CCNYL1: variants seen among roughly 807,000 people sequenced by gnomAD.
CCNYL1 encodes the protein cyclin Y like 1.
CCNYL1 carries 16 observed loss-of-function variants against 44.2 expected under a neutral mutation model. That is an observed-to-expected ratio of 0.36 (90% CI 0.25 to 0.55). The LOEUF (loss-of-function observed/expected upper bound fraction) is 0.55. Ranked by LOEUF, CCNYL1 falls within the 20% of genes least tolerant of loss-of-function variation. The pLI is 0.85. For synonymous variants in CCNYL1, 159 were observed against 163.2 expected (o/e 0.97, Z 0.20); for missense variants, 348 against 451.8 (o/e 0.77, Z 2.08).
In CCNYL1 at chr2:207,730,493, C is replaced by A. The variant is rs971529142; in HGVS notation, c.331-3454C>A. ...TCTGCTGTGGCCGGGTGCGGTGGCT[C>A]ACGCCTGTAATCTCAGCACTTTGGG... On this transcript the variant is annotated intron_variant, in intron 3 of 9. Coordinates refer to ENST00000295414, the MANE Select transcript of CCNYL1 (RefSeq NM_001330218.2). Among the ~76,000 whole-genome samples, 27 of 152,314 alleles carry A rather than the reference C, an allele frequency of 1.8e-4. 1 individual carries two copies. Among genetic ancestry groups the A allele is most frequent in the Admixed American group, 1.6e-3 (25 of 15,298 alleles).
chr2:207,737,299 A>G (rs1016160599), intron 4 of CCNYL1, 112 bp from the exon 5 acceptor site: 2 of 777,396 alleles, frequency 2.6e-6, no homozygotes, highest in African/African-American at 3.5e-5. Context: ...TCTGAACTAG[A>G]GGATTTCAGG....
At chr2:207,740,551 A>G (rs2091800882) in intron 5 of CCNYL1, 104 bp from the exon 6 acceptor site, 2 of 755,994 alleles carry the variant, frequency 2.6e-6, no homozygotes, top group African/African-American at 1.7e-5. Context: ...TGAAGCAAAC[A>G]CCAAAGCAAA....
Position 207,740,891 on chromosome 2 carries a change from A to G in CCNYL1, c.519+185A>G, listed in dbSNP as rs2091803914. ...AAATTCACTTCCTCAGGTATATGATAGCCGCTCGTGGCTAATGACTATTGT... is the reference window on the plus strand; with the variant it reads ...AAATTCACTTCCTCAGGTATATGATGGCCGCTCGTGGCTAATGACTATTGT... On this transcript the variant is annotated intron_variant, in intron 6 of 9. Coordinates refer to ENST00000295414, the MANE Select transcript of CCNYL1 (RefSeq NM_001330218.2). Among the ~76,000 whole-genome samples the G allele has an allele frequency of 3.3e-5, 5 of 152,224 alleles. No homozygotes were observed. The South Asian group carries it at 1.0e-3, about 31-fold the overall frequency.
intron 8 of CCNYL1, among the ~76,000 whole-genome samples, chr2:207,749,437 G>A (rs981174614): frequency 6.6e-6 from 1 of 152,084 alleles, no homozygotes; most frequent in Non-Finnish European, 1.5e-5. Context: ...CTGAGCAGCT[G>A]CTATTCAGAC....
chr2:207,730,309 A>C (rs2091717404), intron 3 of CCNYL1, among the ~76,000 whole-genome samples: 2 of 152,088 alleles, frequency 1.3e-5, no homozygotes, highest in African/African-American at 4.8e-5. Flanking sequence ...TCTACCTTCC[A>C]AGGTGCCATG....
intron 3 of CCNYL1, among the ~76,000 whole-genome samples, chr2:207,727,416 C>G (rs900566484): frequency 2.0e-5 from 3 of 152,126 alleles, no homozygotes; most frequent in Non-Finnish European, 2.9e-5. Flanking sequence ...CTTTGTTTCT[C>G]TTAAATATTT....
chr2:207,715,936 A>G (rs553399216), intron 1 of CCNYL1, among the ~76,000 whole-genome samples: 1 of 151,906 alleles, frequency 6.6e-6, no homozygotes, highest in Non-Finnish European at 1.5e-5. Context: ...TCAACCTCCC[A>G]AAGTGCTGGG....
chr2:207,755,716 T>C lies in CCNYL1; in HGVS notation c.*2018T>C, dbSNP rs796472896. On this transcript the variant is annotated 3_prime_UTR_variant, in exon 10 of 10. Transcript: ENST00000295414. ...CCATTAAGTCCTGCTATTTAAGAAATACTTACATAACCCTTAGGAACTCTT... is the reference window on the plus strand; with the variant it reads ...CCATTAAGTCCTGCTATTTAAGAAACACTTACATAACCCTTAGGAACTCTT... 2.6e-5 allele frequency: 4 copies of C among 152,184 alleles called. No homozygotes were observed. The highest frequency in any genetic ancestry group is 2.1e-4 in the South Asian group (1 of 4,830). The allele number at this position is 152,184 out of a possible 1,614,324, so 9.4% of individuals were successfully genotyped here. A position where few individuals can be genotyped will look rare whatever the true frequency, so the allele number is the denominator to read the frequency against.
intron 3 of CCNYL1, among the ~76,000 whole-genome samples, chr2:207,731,806 C>CTTT (rs58231431): frequency 3.4e-4 from 29 of 84,680 alleles, no homozygotes; most frequent in Non-Finnish European, 4.6e-4. Flanking sequence ...GAGGTTTCTT[C>CTTT]TTTTTTTTTT....
At chr2:207,742,753 G>A (rs775291005) in intron 7 of CCNYL1, among the ~76,000 whole-genome samples, 17 of 152,176 alleles carry the variant, frequency 1.1e-4, no homozygotes, top group African/African-American at 3.4e-4. Context: ...AGGTATTTCC[G>A]ATATGTGTGG....
At chr2:207,745,527 A>C (rs549669540) in intron 7 of CCNYL1, among the ~76,000 whole-genome samples, 251 of 152,372 alleles carry the variant, frequency 1.6e-3, no homozygotes, top group Non-Finnish European at 2.8e-3. Flanking sequence ...GAAAGGGAAC[A>C]GAATCTCTCT....
intron 8 of CCNYL1, among the ~76,000 whole-genome samples, chr2:207,749,376 A>G (rs1272839468): frequency 6.6e-6 from 1 of 152,220 alleles, no homozygotes; most frequent in Non-Finnish European, 1.5e-5. Flanking sequence ...AAAATTTTCA[A>G]CAGCTACATG....
In CCNYL1 at chr2:207,755,561, C is replaced by T. The variant is rs1186547814; in HGVS notation, c.*1863C>T. 3 of 152,278 alleles carry T rather than the reference C, an allele frequency of 2.0e-5. No individual in the cohort carries two copies. The highest frequency in any genetic ancestry group is 1.5e-5 in the Non-Finnish European group (1 of 68,010). The allele number at this position is 152,278 out of a possible 1,614,324, so 9.4% of individuals were successfully genotyped here. On this transcript the variant is annotated 3_prime_UTR_variant, in exon 10 of 10. Transcript: ENST00000295414. ...TGTGCTCTATATGCTTTGATTACCG[C>T]AGTTTCTTTAAAGGAAGATTTTGAA...
At position 207,750,945 on chromosome 2, in the gene CCNYL1, TTCC is replaced by T; in HGVS notation, c.807-5_807-3del. ...GTCCTGTGCTGGTTCTGTTGTGTTC[TTCC>T]TCCTCCAGGAATGAAATGGAAAGGC... On this transcript the variant is annotated splice_polypyrimidine_tract_variant and intron_variant, in intron 8 of 9. Coordinates refer to ENST00000295414, the MANE Select transcript of CCNYL1 (RefSeq NM_001330218.2). 2 of 1,612,090 alleles carry T rather than the reference TTCC, an allele frequency of 1.2e-6. No individual in the cohort carries two copies. The highest frequency in any genetic ancestry group is 2.2e-5 in the East Asian group (1 of 44,876).
At position 207,723,454 on chromosome 2, in the gene CCNYL1, C is replaced by A. The variant is rs548540528; in HGVS notation, c.221-1346C>A. On this transcript the variant is annotated intron_variant, in intron 1 of 9. Coordinates refer to ENST00000295414, the MANE Select transcript of CCNYL1 (RefSeq NM_001330218.2). ...AGGGATAGAGTATATTGTCATTTGA[C>A]CACTAAATCGCTTTTTTAAAAGTAG... Among the ~76,000 whole-genome samples, 40 of 152,214 alleles carry A rather than the reference C, an allele frequency of 2.6e-4. 1 individual carries two copies. The South Asian group carries it at 8.1e-3, about 31-fold the overall frequency.
intron 5 of CCNYL1, among the ~76,000 whole-genome samples, chr2:207,738,740 G>A (rs1185292608): frequency 6.7e-6 from 1 of 148,724 alleles, no homozygotes; most frequent in South Asian, 2.1e-4. Flanking sequence ...TTTTTTTTGA[G>A]ACAGAGTCTC....
In CCNYL1 at chr2:207,747,042, T is replaced by C; in HGVS notation, c.640-5T>C. ...AAAATCAAAGACCAGTGCTCTATTT[T>C]ACAGGTTTACTTAGAAAGGCTTTTA... On this transcript the variant is annotated splice_polypyrimidine_tract_variant and splice_region_variant and intron_variant, in intron 7 of 9. Coordinates refer to ENST00000295414, the MANE Select transcript of CCNYL1 (RefSeq NM_001330218.2). 1.2e-6 allele frequency: 2 copies of C among 1,612,046 alleles called. No homozygotes were observed. The highest frequency in any genetic ancestry group is 1.7e-6 in the Non-Finnish European group (2 of 1,178,374).
intron 3 of CCNYL1, among the ~76,000 whole-genome samples, chr2:207,730,791 C>A (rs1050253646): frequency 6.6e-6 from 1 of 152,048 alleles, no homozygotes. Context: ...AACTCTGTCT[C>A]AAAAATAAAA....
chr2:207,738,576 C>T (rs899940229), intron 5 of CCNYL1, among the ~76,000 whole-genome samples: 2 of 152,108 alleles, frequency 1.3e-5, no homozygotes, highest in African/African-American at 4.8e-5. Context: ...AAAATGGTTA[C>T]AGTGGAATTT....
Sources: allele counts gnomAD v4.1 joint callset (sites outside exome capture counted in the v4.1 genomes callset), GRCh38; gene constraint gnomAD v4.1.1; transcripts MANE v1.5; gene names NCBI Gene and HGNC (gene_info 2026-07-23, HGNC 2026-07-21).